The following GDAP1 variants were observed in gnomAD, a reference collection of about 807,000 sequenced individuals.
GDAP1 encodes ganglioside-induced differentiation-associated protein 1.
GDAP1 carries 34 observed loss-of-function variants against 40.1 expected under a neutral mutation model. That is an observed-to-expected ratio of 0.85 (90% CI 0.64 to 1.13). GDAP1 has a LOEUF of 1.13. Ranked by LOEUF, GDAP1 falls within the 50% of genes most tolerant of loss-of-function variation. GDAP1 has a pLI of 0.00. For synonymous variants in GDAP1, 170 were observed against 157.4 expected, an observed-to-expected ratio of 1.08 and a Z score of -0.60; for missense variants, 374 against 433.7, an observed-to-expected ratio of 0.86 and a Z score of 1.22.
intron 2 of GDAP1, among the ~76,000 whole-genome samples, chr8:74,445,955 G>T (rs1806221469): frequency 6.6e-6 from 1 of 152,154 alleles, no homozygotes. Context: ...TGTTAGGAAA[G>T]ATTTTTAAAG....
intron 2 of GDAP1, among the ~76,000 whole-genome samples, chr8:74,435,204 TAGTA>T (rs1360665335): frequency 2.0e-5 from 3 of 152,170 alleles, no homozygotes; most frequent in Non-Finnish European, 4.4e-5. Flanking sequence ...TACTGAGAGA[TAGTA>T]AGTAATGAAA....
intron 2 of GDAP1, among the ~76,000 whole-genome samples, chr8:74,398,672 A>G (rs956039970): frequency 6.6e-6 from 1 of 152,078 alleles, no homozygotes; most frequent in African/African-American, 2.4e-5. Context: ...TCAGTATGAT[A>G]TTGGCTGTGG....
At chr8:74,448,758 C>A (rs1237281052) in intron 2 of GDAP1, among the ~76,000 whole-genome samples, 2 of 151,972 alleles carry the variant, frequency 1.3e-5, no homozygotes, top group South Asian at 2.1e-4. Context: ...CATGTCCTGA[C>A]TTATTTTAAG....
chr8:74,481,537 A>G (rs1286905423), intron 2 of GDAP1, among the ~76,000 whole-genome samples: 1 of 152,152 alleles, frequency 6.6e-6, no homozygotes, highest in African/African-American at 2.4e-5. Context: ...ATAAAGTTCT[A>G]CCTTCTTCTA....
intron 2 of GDAP1, among the ~76,000 whole-genome samples, chr8:74,427,909 G>A (rs1033721176): frequency 6.6e-6 from 1 of 152,028 alleles, no homozygotes; most frequent in African/African-American, 2.4e-5. Context: ...TTAAAATTTA[G>A]TTCACATTAT....
Position 74,363,442 on chromosome 8 carries a change from A to G in GDAP1, c.694+389A>G, listed in dbSNP as rs556644921. Among the ~76,000 whole-genome samples, 38 of 152,322 alleles carry G rather than the reference A, an allele frequency of 2.5e-4. No individual in the cohort carries two copies. In the South Asian group the frequency reaches 6.2e-3, roughly 25 times the overall value. On this transcript the variant is annotated intron_variant, in intron 5 of 5. Transcript: ENST00000220822. ...AGGACCAGCACGTGGGCATCTGTAGACTGGCTGGTAAGCATGCCAGTGAAC... is the reference window on the plus strand; with the variant it reads ...AGGACCAGCACGTGGGCATCTGTAGGCTGGCTGGTAAGCATGCCAGTGAAC...
At chr8:74,384,944 A>G (rs942561530) in intron 2 of GDAP1, among the ~76,000 whole-genome samples, 2 of 152,204 alleles carry the variant, frequency 1.3e-5, no homozygotes, top group African/African-American at 4.8e-5. Flanking sequence ...CCATATGGGT[A>G]TGGATCTATT....
At chr8:74,401,238 G>A (rs1810330250) in intron 2 of GDAP1, among the ~76,000 whole-genome samples, 2 of 148,976 alleles carry the variant, frequency 1.3e-5, no homozygotes, top group Non-Finnish European at 2.9e-5. Context: ...ATTTCTTGGA[G>A]GCTTTGTTCG....
chr8:74,413,434 G>A (rs1199585731), intron 2 of GDAP1, among the ~76,000 whole-genome samples: 1 of 149,810 alleles, frequency 6.7e-6, no homozygotes, highest in Non-Finnish European at 1.5e-5. Context: ...GTGGGGAGAG[G>A]GAGAATGAGC....
At chr8:74,448,355 G>T (rs1806258497) in intron 2 of GDAP1, among the ~76,000 whole-genome samples, 2 of 152,012 alleles carry the variant, frequency 1.3e-5, no homozygotes, top group South Asian at 4.1e-4. Context: ...GAAGAGTTTT[G>T]TTATATGAAT....
chr8:74,459,096 G>A (rs1806370592), intron 2 of GDAP1, among the ~76,000 whole-genome samples: 1 of 152,108 alleles, frequency 6.6e-6, no homozygotes, highest in South Asian at 2.1e-4. Flanking sequence ...CACTAATGGG[G>A]CAAGAAAATA....
In GDAP1 at chr8:74,364,430, T is replaced by G; in HGVS notation, c.*63T>G. 3 of 1,517,012 alleles carry G rather than the reference T, an allele frequency of 2.0e-6. No homozygotes were observed. In the South Asian group the frequency reaches 3.4e-5, roughly 17 times the overall value. The allele number at this position is 1,517,012 out of a possible 1,614,324, so 94.0% of individuals were successfully genotyped here. On this transcript the variant is annotated 3_prime_UTR_variant, in exon 6 of 6. Transcript: ENST00000220822. ...TTTAGCTAGACCCTGTGATTGCCCG[T>G]GGCTCTCTGAGTCTGTCTTATTGAG... is the stretch of plus-strand genomic sequence containing the variant.
intron 2 of GDAP1, among the ~76,000 whole-genome samples, chr8:74,459,813 AAT>A (rs1806379287): frequency 6.6e-6 from 1 of 152,212 alleles, no homozygotes; most frequent in Admixed American, 6.5e-5. Flanking sequence ...TAATTCTGAA[AAT>A]GTACAAAATT....
intron 2 of GDAP1, among the ~76,000 whole-genome samples, chr8:74,477,505 G>A (rs1480716929): frequency 1.3e-5 from 2 of 151,908 alleles, no homozygotes; most frequent in Non-Finnish European, 2.9e-5. Context: ...GGGGTTTGTG[G>A]TATAAAGTGA....
At chr8:74,457,772 G>C (rs1806354012) in intron 2 of GDAP1, among the ~76,000 whole-genome samples, 1 of 152,086 alleles carries the variant, frequency 6.6e-6, no homozygotes, top group South Asian at 2.1e-4. Context: ...AAAATGTTTA[G>C]AGAATGACCA....
chr8:74,474,906 T>TC (rs1352590832), intron 2 of GDAP1, among the ~76,000 whole-genome samples: 4 of 152,286 alleles, frequency 2.6e-5, no homozygotes, highest in Non-Finnish European at 5.9e-5. Flanking sequence ...CAGCTGTGAA[T>TC]CCATCTGGTC....
intron 2 of GDAP1, among the ~76,000 whole-genome samples, chr8:74,466,993 A>G (rs746727432): frequency 1.3e-5 from 2 of 152,234 alleles, no homozygotes; most frequent in Non-Finnish European, 2.9e-5. Flanking sequence ...AGCCCTAGTT[A>G]AGGGCTGGCA....
At chr8:74,363,184 A>G (rs946530965) in intron 5 of GDAP1, 131 bp downstream of exon 5, 10 of 629,220 alleles carry the variant, frequency 1.6e-5, no homozygotes, top group Non-Finnish European at 2.8e-5. Context: ...TTTAATTATG[A>G]TAGCAATAAT....
intron 2 of GDAP1, among the ~76,000 whole-genome samples, chr8:74,433,110 G>T (rs1001175358): frequency 6.6e-6 from 1 of 152,062 alleles, no homozygotes; most frequent in Non-Finnish European, 1.5e-5. Flanking sequence ...TCCGTGGTTG[G>T]TGCCTGCTCA....
Sources: gnomAD v4.1 joint callset for allele counts (sites outside exome capture counted in the v4.1 genomes callset) on GRCh38, gnomAD v4.1.1 for gene constraint, MANE v1.5 for transcripts, NCBI Gene and HGNC (gene_info 2026-07-23, HGNC 2026-07-21) for gene names.